The following OR13A1 variants were observed in gnomAD, a reference collection of about 807,000 sequenced individuals.
OR13A1 encodes the protein olfactory receptor 13A1.
OR13A1 carries 10 observed loss-of-function variants against 7.5 expected under a neutral mutation model. The ratio of observed to expected loss-of-function variants is 1.34; its 90% CI spans 0.83 to 2.27. The LOEUF (loss-of-function observed/expected upper bound fraction) is 2.27, where lower values mean the gene tolerates loss of function less well. OR13A1 is among the 30% of genes most tolerant of loss of function. The pLI is 0.00. For synonymous variants in OR13A1, 238 were observed against 177.9 expected (o/e 1.34, Z -2.69); for missense variants, 509 against 419.1 (o/e 1.21, Z -1.87).
At position 45,303,578 on chromosome 10, in the gene OR13A1, G is replaced by C; in HGVS notation, c.845C>G (p.Ser282Cys). The change falls in exon 4 of 4, where the codon TCT becomes TGT. Residue 282 changes from serine to cysteine, a missense_variant. Ser to Cys is a moderately radical substitution (Grantham distance 112, BLOSUM62 -1). Transcript: ENST00000553795. ...CTTGCTCTTCCCTGCGCTGTAGCCAGAGACCGGGCTTATGTAGGCGTAGAA... is the reference window on the plus strand; with the variant it reads ...CTTGCTCTTCCCTGCGCTGTAGCCACAGACCGGGCTTATGTAGGCGTAGAA... ...AVFYAYISPV[S>C]GYSAGKSKLA... is the part of the protein sequence containing the mutation. The C allele has an allele frequency of 6.2e-7, 1 of 1,614,194 alleles. No homozygotes were observed. Among genetic ancestry groups the C allele is most frequent in the Non-Finnish European group, 8.5e-7 (1 of 1,180,040 alleles).
At chr10:45,306,411 C>T (rs1032571663) in intron 3 of OR13A1, among the ~76,000 whole-genome samples, 1 of 151,492 alleles carries the variant, frequency 6.6e-6, no homozygotes, top group Non-Finnish European at 1.5e-5. Flanking sequence ...CGAGATCGCG[C>T]CACTGCACTC....
At chr10:45,313,025 T>G (rs1452746177) in intron 1 of OR13A1, among the ~76,000 whole-genome samples, 1 of 152,114 alleles carries the variant, frequency 6.6e-6, no homozygotes, top group Non-Finnish European at 1.5e-5. Context: ...TATGCAGTTT[T>G]GGTACATAAA....
At chr10:45,312,760 G>A (rs1236962785) in intron 1 of OR13A1, among the ~76,000 whole-genome samples, 2 of 151,834 alleles carry the variant, frequency 1.3e-5, no homozygotes, top group Non-Finnish European at 2.9e-5. Context: ...GAAGGCAGGG[G>A]GATAATATAT....
At chr10:45,306,770 A>G (rs1054110609) in intron 3 of OR13A1, among the ~76,000 whole-genome samples, 1 of 152,228 alleles carries the variant, frequency 6.6e-6, no homozygotes, top group Non-Finnish European at 1.5e-5. Flanking sequence ...AATCAATGGA[A>G]ATGATGGTGT....
Position 45,313,337 on chromosome 10 carries a change from G to A in OR13A1, c.-225+2187C>T, listed in dbSNP as rs118104047. ...CAAAATGTCACCACAAAAAAAAATC[G>A]ACAAAACCCAAAAGAGGTCAGTAAG... On this transcript the variant is annotated intron_variant, in intron 1 of 3. Transcript: ENST00000553795. 2.7e-3 allele frequency among the ~76,000 whole-genome samples: 399 copies of A among 149,806 alleles called. 2 individuals carry two copies. Among genetic ancestry groups the A allele is most frequent in the Middle Eastern group, 0.021 (6 of 286 alleles).
intron 3 of OR13A1, among the ~76,000 whole-genome samples, chr10:45,306,207 C>A (rs1447913519): frequency 3.3e-5 from 5 of 152,160 alleles, no homozygotes; most frequent in African/African-American, 1.2e-4. Context: ...GTAATCCCAG[C>A]ACTTTGGGAG....
chr10:45,306,105 A>G (rs1457939504), intron 3 of OR13A1, among the ~76,000 whole-genome samples: 1 of 152,238 alleles, frequency 6.6e-6, no homozygotes, highest in Non-Finnish European at 1.5e-5. Flanking sequence ...ACAGCTCAAG[A>G]TAAAATCAGC....
rs556908006 is a variant in OR13A1, at chr10:45,304,526, G to C, written c.-12-92C>G. The C allele has an allele frequency of 5.5e-6, 6 of 1,083,776 alleles. No individual in the cohort carries two copies. In the South Asian group the frequency reaches 9.1e-5, roughly 16 times the overall value. 67.1% of individuals were successfully genotyped at this position (1,083,776 alleles called of 1,614,324 possible). ...CTGCATGAAAGATAGAGATGCATTA[G>C]GGCATATTGATTAAGATAAACACCC... On this transcript the variant is annotated intron_variant, in intron 3 of 3. Coordinates refer to ENST00000553795, the MANE Select transcript of OR13A1 (RefSeq NM_001004297.3).
chr10:45,314,062 T>A (rs2133049296), intron 1 of OR13A1, among the ~76,000 whole-genome samples: 1 of 152,280 alleles, frequency 6.6e-6, no homozygotes, highest in South Asian at 2.1e-4. Context: ...AAAATATCTA[T>A]TTTGATGAAA....
intron 1 of OR13A1, among the ~76,000 whole-genome samples, chr10:45,310,563 C>T (rs1000726436): frequency 1.3e-5 from 2 of 152,060 alleles, no homozygotes; most frequent in African/African-American, 4.8e-5. Context: ...ACCTAGCTGC[C>T]AGGGAAGCTG....
At chr10:45,307,630 C>T (rs10793613) in intron 2 of OR13A1, 63 bp from the exon 3 acceptor site, 1 of 152,064 alleles carries the variant, frequency 6.6e-6, no homozygotes, top group Non-Finnish European at 1.5e-5. Flanking sequence ...AATTCTCAGC[C>T]AGCATTACAA....
At position 45,303,643 on chromosome 10, in the gene OR13A1, A is replaced by C. The variant is rs1838254827; in HGVS notation, c.780T>G (p.Ser260=). The C allele has an allele frequency of 1.2e-6, 2 of 1,614,202 alleles. No homozygotes were observed. The highest frequency in any genetic ancestry group is 1.7e-6 in the Non-Finnish European group (2 of 1,180,036). The change falls in exon 4 of 4, where the codon TCT becomes TCG. Residue 260 remains serine (S), a synonymous_variant. Coordinates refer to ENST00000553795, the MANE Select transcript of OR13A1 (RefSeq NM_001004297.3). Reference sequence around the variant, plus strand: ...ACATGCACACCACGGTGAGGTGGGAAGAGCAGGTGGAGAAGGCTTTCTGCC... The same window carrying C: ...ACATGCACACCACGGTGAGGTGGGACGAGCAGGTGGAGAAGGCTTTCTGCC... ...WGRQKAFSTC[S]SHLTVVCMYY... is the part of the protein sequence containing the mutation.
intron 1 of OR13A1, among the ~76,000 whole-genome samples, chr10:45,313,123 A>T (rs908553800): frequency 1.3e-5 from 2 of 152,140 alleles, no homozygotes; most frequent in Non-Finnish European, 2.9e-5. Context: ...ACATATGAAG[A>T]TGTAACTTGT....
chr10:45,313,870 C>T (rs376344164), intron 1 of OR13A1, among the ~76,000 whole-genome samples: 23 of 152,092 alleles, frequency 1.5e-4, no homozygotes, highest in Admixed American at 1.4e-3. Flanking sequence ...GACAGAAAAT[C>T]GATAAGGAAA....
chr10:45,314,936 C>G (rs541940479), intron 1 of OR13A1, among the ~76,000 whole-genome samples: 111 of 152,278 alleles, frequency 7.3e-4, no homozygotes, highest in African/African-American at 2.4e-3. Context: ...AAACAAACAA[C>G]AGCCCAGAAC....
chr10:45,310,103 C>T (rs1838413038), intron 1 of OR13A1, among the ~76,000 whole-genome samples: 1 of 152,194 alleles, frequency 6.6e-6, no homozygotes. Context: ...AAGCAGATTA[C>T]CTTTATTTCA....
rs2032774080 is a variant in OR13A1, at chr10:45,304,214, T to C, written c.209A>G (p.Asn70Ser). 2 of 1,613,948 alleles carry C rather than the reference T, an allele frequency of 1.2e-6. No individual in the cohort carries two copies. Among genetic ancestry groups the C allele is most frequent in the African/African-American group, 2.7e-5 (2 of 74,888 alleles). The change falls in exon 4 of 4, where the codon AAC (asparagine) becomes AGC (serine). Residue 70 changes from asparagine (N) to serine (S), a missense_variant. Transcript: ENST00000553795. Reference protein sequence around the residue: ...NVLITLAITFNPGLHAPMYFF... With the variant: ...NVLITLAITFSPGLHAPMYFF... ...GTACATAGGAGCGTGGAGCCCAGGG[T>C]TGAACGTGATGGCCAAGGTGATGAG... is the stretch of plus-strand genomic sequence containing the variant.
chr10:45,305,958 C>G (rs1838319599), intron 3 of OR13A1, among the ~76,000 whole-genome samples: 1 of 152,190 alleles, frequency 6.6e-6, no homozygotes, highest in Non-Finnish European at 1.5e-5. Flanking sequence ...CTCTGGACAT[C>G]CCTTCTTGGC....
chr10:45,314,454 A>G (rs1303418850), intron 1 of OR13A1, among the ~76,000 whole-genome samples: 2 of 151,688 alleles, frequency 1.3e-5, no homozygotes, highest in Non-Finnish European at 2.9e-5. Context: ...AAAAAAAAAA[A>G]GAAGTAGAAG....
Sources: gnomAD v4.1 joint callset for allele counts (sites outside exome capture counted in the v4.1 genomes callset) on GRCh38, gnomAD v4.1.1 for gene constraint, MANE v1.5 for transcripts, NCBI Gene and HGNC (gene_info 2026-07-23, HGNC 2026-07-21) for gene names.